KIDINS220: variants seen among roughly 807,000 people sequenced by gnomAD.
KIDINS220 encodes the protein kinase D-interacting substrate of 220 kDa.
A neutral mutation model predicts 157.6 loss-of-function variants in KIDINS220; 63 were observed. The ratio of observed to expected loss-of-function variants is 0.40; its 90% CI spans 0.33 to 0.49. KIDINS220 has a LOEUF of 0.49. Ranked by LOEUF, KIDINS220 falls within the 20% of genes least tolerant of loss-of-function variation. The probability of loss-of-function intolerance (pLI) is 0.66; values close to 1 mark genes in which losing one functional copy is unlikely to be tolerated. For synonymous variants in KIDINS220, 732 were observed against 783.6 expected, an observed-to-expected ratio of 0.93 and a Z score of 1.10; for missense variants, 1,772 against 2,171.2, an observed-to-expected ratio of 0.82 and a Z score of 3.65.
chr2:8,814,062 TC>T (rs1676711258), intron 4 of KIDINS220, among the ~76,000 whole-genome samples: 1 of 152,212 alleles, frequency 6.6e-6, no homozygotes, highest in Admixed American at 6.5e-5. Context: ...TTTGAACACA[TC>T]CTTTAAATCC....
chr2:8,815,656 G>A (rs542225679), intron 4 of KIDINS220, among the ~76,000 whole-genome samples: 38 of 152,204 alleles, frequency 2.5e-4, no homozygotes, highest in African/African-American at 7.9e-4. Flanking sequence ...GCAACAGAGC[G>A]AGACTCCGTC....
At position 8,828,287 on chromosome 2, in the gene KIDINS220, G is replaced by A. The variant is rs113784852; in HGVS notation, c.-36-1158C>T. On this transcript the variant is annotated intron_variant, in intron 1 of 29. Coordinates refer to ENST00000256707, the MANE Select transcript of KIDINS220 (RefSeq NM_020738.4). ...TGCACACGGCTTACCCCCTGACCCCGTCAGGTCACCTGGTTACAAAGTCTC... is the reference window on the plus strand; with the variant it reads ...TGCACACGGCTTACCCCCTGACCCCATCAGGTCACCTGGTTACAAAGTCTC... 6.8e-3 allele frequency among the ~76,000 whole-genome samples: 1,030 copies of A among 152,232 alleles called. 9 individuals are homozygous for A. Among genetic ancestry groups the A allele is most frequent in the South Asian group, 0.029 (140 of 4,828 alleles).
chr2:8,777,192 A>G (rs1223222593), intron 20 of KIDINS220, among the ~76,000 whole-genome samples: 1 of 152,230 alleles, frequency 6.6e-6, no homozygotes, highest in Non-Finnish European at 1.5e-5. Context: ...AGAATTGTGT[A>G]AAGAGAATGA....
rs1421005364 is a variant in KIDINS220, at chr2:8,789,894, A to ATG, written c.1606_1607insCA (p.Leu536SerfsTer43). On this transcript the variant is annotated frameshift_variant, in exon 14 of 30. Coordinates refer to ENST00000256707, the MANE Select transcript of KIDINS220 (RefSeq NM_020738.4). LOFTEE classifies it high-confidence loss of function. ...CAAAGACTTACTAAAGAATATATAT[A>ATG]AGAGAGCCAAGAAGCTCAGTGACAC... The ATG allele has an allele frequency of 2.7e-5, 43 of 1,608,134 alleles. No individual in the cohort carries two copies. Among genetic ancestry groups the ATG allele is most frequent in the Non-Finnish European group, 3.5e-5 (41 of 1,178,124 alleles).
rs757077886 is a variant in KIDINS220 at position 8,791,242 on chromosome 2, C to T, written c.1277-18G>A. The T allele has an allele frequency of 1.9e-6, 3 of 1,596,716 alleles. No individual in the cohort carries two copies. The African/African-American group carries it at 4.0e-5, about 22-fold the overall frequency. ...CAAGTGTCCTGTAATTAAAACACAT[C>T]ATATCTTACATTAAACAGTGGCATT... On this transcript the variant is annotated intron_variant, in intron 12 of 29. Coordinates refer to ENST00000256707, the MANE Select transcript of KIDINS220 (RefSeq NM_020738.4).
chr2:8,793,673 A>G, intron 12 of KIDINS220, 137 bp downstream of exon 12: 2 of 703,178 alleles, frequency 2.8e-6, no homozygotes, highest in Non-Finnish European at 4.5e-6. Flanking sequence ...TCCTGGGGTC[A>G]AGCAATCCTC....
At chr2:8,744,418 A>G (rs1253812638) in intron 26 of KIDINS220, among the ~76,000 whole-genome samples, 2 of 98,448 alleles carry the variant, frequency 2.0e-5, no homozygotes, top group South Asian at 3.4e-4. Flanking sequence ...ATATATATAT[A>G]TATATATATA....
chr2:8,800,945 A>G (rs533500257), intron 8 of KIDINS220, among the ~76,000 whole-genome samples: 8 of 152,332 alleles, frequency 5.3e-5, no homozygotes, highest in African/African-American at 1.9e-4. Context: ...TAAAACTATC[A>G]GTGAATCTAC....
intron 1 of KIDINS220, among the ~76,000 whole-genome samples, chr2:8,834,810 T>C (rs551067291): frequency 2.0e-5 from 3 of 152,152 alleles, no homozygotes; most frequent in Non-Finnish European, 2.9e-5. Flanking sequence ...AACTAACTTA[T>C]GTATGTATAT....
intron 26 of KIDINS220, among the ~76,000 whole-genome samples, chr2:8,744,638 CAG>C (rs1291146593): frequency 1.3e-5 from 2 of 151,392 alleles, no homozygotes; most frequent in African/African-American, 2.4e-5. Context: ...TCCAGAAACA[CAG>C]AGTTTTCTGC....
At chr2:8,832,578 G>A (rs748768334) in intron 1 of KIDINS220, among the ~76,000 whole-genome samples, 2 of 152,074 alleles carry the variant, frequency 1.3e-5, no homozygotes, top group South Asian at 2.1e-4. Context: ...TGTAAAATTC[G>A]TTATCTTACC....
At chr2:8,809,727 T>G (rs1231859596) in intron 6 of KIDINS220, among the ~76,000 whole-genome samples, 1 of 151,936 alleles carries the variant, frequency 6.6e-6, no homozygotes, top group African/African-American at 2.4e-5. Flanking sequence ...ACAGACTTCC[T>G]TTCCCTTCTC....
At chr2:8,833,505 C>A (rs1679955623) in intron 1 of KIDINS220, among the ~76,000 whole-genome samples, 1 of 141,410 alleles carries the variant, frequency 7.1e-6, no homozygotes, top group African/African-American at 2.7e-5. Flanking sequence ...TTTAGCTACA[C>A]CTGCTGGAAT....
At position 8,729,757 on chromosome 2, in the gene KIDINS220, A is replaced by G. The variant is rs1663772231; in HGVS notation, c.*963T>C. The G allele has an allele frequency of 2.1e-5, 21 of 982,880 alleles. No individual in the cohort carries two copies. The highest frequency in any genetic ancestry group is 2.5e-5 in the Non-Finnish European group (21 of 827,714). 60.9% of individuals were successfully genotyped at this position (982,880 alleles called of 1,614,324 possible). A position where few individuals can be genotyped will look rare whatever the true frequency, so the allele number is the denominator to read the frequency against. ...CAATGATTTAGTTTTACCTAATTAAATATTTCCTTGTCATTTATCAATTGT... is the reference window on the plus strand; with the variant it reads ...CAATGATTTAGTTTTACCTAATTAAGTATTTCCTTGTCATTTATCAATTGT... On this transcript the variant is annotated 3_prime_UTR_variant, in exon 30 of 30. Transcript: ENST00000256707.
At chr2:8,721,451 G>T (rs567163726), downstream of KIDINS220, 2 of 152,284 alleles carry the variant, frequency 1.3e-5, no homozygotes, top group African/African-American at 4.8e-5. Context: ...GAACAAAGAT[G>T]TCTGATGTTA....
downstream of KIDINS220, chr2:8,723,219 T>A (rs1290063411): frequency 6.6e-6 from 1 of 152,246 alleles, no homozygotes; most frequent in Non-Finnish European, 1.5e-5. Flanking sequence ...AGAAGGCCAA[T>A]GGACTGTGGG....
At position 8,803,356 on chromosome 2, in the gene KIDINS220, G is replaced by C. The variant is rs554132394; in HGVS notation, c.604-229C>G. Among the ~76,000 whole-genome samples, 7 of 152,230 alleles carry C rather than the reference G, an allele frequency of 4.6e-5. No individual in the cohort carries two copies. In the South Asian group the frequency reaches 1.5e-3, roughly 32 times the overall value. ...ATACATTAATGATCTTCAGTCATTA[G>C]AGCTATTATGAAGTTCAGTTATTTA... On this transcript the variant is annotated intron_variant, in intron 7 of 29. Coordinates refer to ENST00000256707, the MANE Select transcript of KIDINS220 (RefSeq NM_020738.4).
chr2:8,798,355 G>T, intron 9 of KIDINS220, 55 bp from the exon 10 acceptor site: 1 of 960,494 alleles, frequency 1.0e-6, no homozygotes, highest in Non-Finnish European at 1.7e-6. Flanking sequence ...ATTTAAAACT[G>T]CTACTTATAA....
chr2:8,800,344 C>A lies in KIDINS220; in HGVS notation c.900+56G>T, dbSNP rs960169907. 1.4e-5 allele frequency: 16 copies of A among 1,129,792 alleles called. No homozygotes were observed. The African/African-American group carries it at 2.5e-4, about 17-fold the overall frequency. 70.0% of individuals were successfully genotyped at this position (1,129,792 alleles called of 1,614,324 possible). A position where few individuals can be genotyped will look rare whatever the true frequency, so the allele number is the denominator to read the frequency against. The stretch of plus-strand genomic sequence containing the variant: ...TGGGAAGAATAACATTATGATCAGT[C>A]AACACTTACATGCAATTATACTCTA... On this transcript the variant is annotated intron_variant, in intron 9 of 29. Coordinates refer to ENST00000256707, the MANE Select transcript of KIDINS220 (RefSeq NM_020738.4).
Sources: allele counts gnomAD v4.1 joint callset (sites outside exome capture counted in the v4.1 genomes callset), GRCh38; gene constraint gnomAD v4.1.1; transcripts MANE v1.5; gene names NCBI Gene and HGNC (gene_info 2026-07-23, HGNC 2026-07-21).